ELOVL5: variants seen among roughly 807,000 people sequenced by gnomAD.
The protein encoded by ELOVL5 is ELOVL fatty acid elongase 5.
ELOVL5 carries 8 observed loss-of-function variants against 38.6 expected under a neutral mutation model. That is an observed-to-expected ratio of 0.21 (90% CI 0.12 to 0.37). The LOEUF is 0.37. Among genes scored for constraint, ELOVL5 ranks in the 10% least tolerant of loss-of-function variants. The pLI, the probability that ELOVL5 is intolerant of heterozygous loss-of-function variation, is 1.00. For synonymous variants in ELOVL5, 127 were observed against 133.7 expected (o/e 0.95, Z 0.34); for missense variants, 280 against 367.8 (o/e 0.76, Z 1.95).
chr6:53,308,674 C>CTA (rs1459925907), intron 1 of ELOVL5, among the ~76,000 whole-genome samples: 3 of 152,020 alleles, frequency 2.0e-5, no homozygotes, highest in African/African-American at 7.3e-5. Context: ...GGAACCACTG[C>CTA]TATATATATC....
At chr6:53,310,172 A>G (rs1191816429) in intron 1 of ELOVL5, among the ~76,000 whole-genome samples, 1 of 152,182 alleles carries the variant, frequency 6.6e-6, no homozygotes, top group East Asian at 1.9e-4. Context: ...CCCTCGATTT[A>G]ACTGGAACTG....
At chr6:53,343,431 G>C (rs565431958) in intron 1 of ELOVL5, among the ~76,000 whole-genome samples, 17 of 152,128 alleles carry the variant, frequency 1.1e-4, no homozygotes, top group African/African-American at 3.9e-4. Flanking sequence ...CAGGCTGGTT[G>C]CAAACTCCTG....
intron 1 of ELOVL5, among the ~76,000 whole-genome samples, chr6:53,326,141 T>C (rs909820455): frequency 7.2e-5 from 11 of 152,130 alleles, no homozygotes; most frequent in African/African-American, 2.7e-4. Context: ...AATAACTCAG[T>C]CATCTCTTAG....
intron 3 of ELOVL5, among the ~76,000 whole-genome samples, chr6:53,291,112 G>T (rs915812924): frequency 6.6e-6 from 1 of 152,120 alleles, no homozygotes; most frequent in Non-Finnish European, 1.5e-5. Flanking sequence ...CTTCAAAATA[G>T]GGAGAAGAGA....
At chr6:53,289,562 T>G (rs1000520921) in intron 3 of ELOVL5, among the ~76,000 whole-genome samples, 4 of 152,034 alleles carry the variant, frequency 2.6e-5, no homozygotes, top group Admixed American at 2.6e-4. Context: ...CTACTAAAAA[T>G]ACAAAAAATT....
intron 2 of ELOVL5, chr6:53,294,245 T>C (rs1235732963): frequency 6.5e-7 from 1 of 1,528,116 alleles, no homozygotes; most frequent in East Asian, 2.5e-5. Context: ...TAGGATCTAG[T>C]CAATCTGTGG....
rs543670370 is a variant in ELOVL5 at position 53,281,234 on chromosome 6, A to G, written c.247-4978T>C. On this transcript the variant is annotated intron_variant, in intron 3 of 7. Transcript: ENST00000304434. ...AGAAATGGGGTAAAAAGTAATGAAA[A>G]ATAGACTATCCATACTCAAGTTCAA... 7.2e-5 allele frequency among the ~76,000 whole-genome samples: 11 copies of G among 152,324 alleles called. No individual in the cohort carries two copies. The East Asian group carries it at 2.1e-3, about 29-fold the overall frequency.
rs1767428809 is a variant in ELOVL5 at position 53,305,018 on chromosome 6, C to T, written c.-8-9311G>A. ...TAGGGGCGGCCAGGCAGAGGCGCCC[C>T]TCACCTCCCGGACGGGGCGGCTGGC... On this transcript the variant is annotated intron_variant, in intron 1 of 7. Transcript: ENST00000304434. Among the ~76,000 whole-genome samples the T allele has an allele frequency of 2.0e-5, 3 of 151,486 alleles. No individual in the cohort carries two copies. In the South Asian group the frequency reaches 6.2e-4, roughly 31 times the overall value.
intron 1 of ELOVL5, among the ~76,000 whole-genome samples, chr6:53,347,439 C>T (rs1769599543): frequency 6.6e-6 from 1 of 152,186 alleles, no homozygotes; most frequent in Non-Finnish European, 1.5e-5. Flanking sequence ...TGCAAAACCG[C>T]CTGTTTCTAT....
chr6:53,274,463 G>T (rs1313088257), intron 5 of ELOVL5, among the ~76,000 whole-genome samples: 1 of 152,152 alleles, frequency 6.6e-6, no homozygotes, highest in African/African-American at 2.4e-5. Context: ...TTCAGTGTTT[G>T]GATGACGGGA....
intron 1 of ELOVL5, among the ~76,000 whole-genome samples, chr6:53,334,241 G>A (rs1768943205): frequency 6.6e-6 from 1 of 152,072 alleles, no homozygotes; most frequent in African/African-American, 2.4e-5. Context: ...TCTGTTTGGG[G>A]CTTCAGCCTC....
chr6:53,308,351 G>C (rs1373962904), intron 1 of ELOVL5, among the ~76,000 whole-genome samples: 1 of 152,118 alleles, frequency 6.6e-6, no homozygotes, highest in Non-Finnish European at 1.5e-5. Context: ...ATCCTATTAG[G>C]CTCTAAGCTC....
Position 53,291,834 on chromosome 6 carries a change from C to A in ELOVL5, c.188G>T (p.Gly63Val). ...MRNKQPFSCR[G>V]ILVVYNLGLT... ...TCCAAGGTTATACACCACTAAAATC[C>A]CCCGGCAAGAGAATGGCTGTTTATT... The change falls in exon 3 of 8, where the codon GGG (glycine) becomes GTG (valine). Residue 63 changes from glycine to valine, a missense_variant. By Grantham distance (109) the Gly-to-Val change is moderately radical. This residue lies in a region of ELOVL5 where 150 missense variants were observed against 178.0 expected (regional missense o/e 0.84). Transcript: ENST00000304434. 1.9e-6 allele frequency: 3 copies of A among 1,613,938 alleles called. No homozygotes were observed. Among genetic ancestry groups the A allele is most frequent in the Middle Eastern group, 1.7e-4 (1 of 6,060 alleles).
rs1457039126 is a variant in ELOVL5, at chr6:53,276,274, G to A, written c.247-18C>T. ...GTTACTAACTAAAAAAGAAGAAAGA[G>A]CCAGTCACCAACAGCATCTGAGCCA... On this transcript the variant is annotated intron_variant, in intron 3 of 7. Coordinates refer to ENST00000304434, the MANE Select transcript of ELOVL5 (RefSeq NM_021814.5). The A allele has an allele frequency of 3.2e-6, 5 of 1,540,204 alleles. No individual in the cohort carries two copies. The highest frequency in any genetic ancestry group is 4.5e-6 in the Non-Finnish European group (5 of 1,113,256).
intron 1 of ELOVL5, among the ~76,000 whole-genome samples, chr6:53,305,400 C>G (rs1215258463): frequency 5.1e-4 from 76 of 149,100 alleles, no homozygotes; most frequent in Non-Finnish European, 9.9e-4. Flanking sequence ...ACCTCCCTCC[C>G]GGGCGGGGTG....
rs1561878375 is a variant in ELOVL5, at chr6:53,306,223, AGGGG to A, written c.-8-10520_-8-10517del. On this transcript the variant is annotated intron_variant, in intron 1 of 7. Transcript: ENST00000304434. ...GGGGAGGAGAAAGGGGAGAGGGGAG[AGGGG>A]AGAGGGGAGAGGGAGAGGGGAGAGG... is the stretch of plus-strand genomic sequence containing the variant. Among the ~76,000 whole-genome samples, 112 of 21,648 alleles carry A rather than the reference AGGGG, an allele frequency of 5.2e-3. 4 individuals are homozygous for A. The highest frequency in any genetic ancestry group is 0.021 in the African/African-American group (43 of 2,002). 14.2% of individuals were successfully genotyped at this position (21,648 alleles called of 152,430 possible).
rs545993552 is a variant in ELOVL5 at position 53,276,262 on chromosome 6, A to G, written c.247-6T>C. 4 of 1,596,552 alleles carry G rather than the reference A, an allele frequency of 2.5e-6. No individual in the cohort carries two copies. The highest frequency in any genetic ancestry group is 3.4e-6 in the Non-Finnish European group (4 of 1,164,096). On this transcript the variant is annotated splice_region_variant and splice_polypyrimidine_tract_variant and intron_variant, in intron 3 of 7. Transcript: ENST00000304434. ...TCCCATACTCCTGTTACTAACTAAA[A>G]AAGAAGAAAGAGCCAGTCACCAACA...
intron 6 of ELOVL5, 123 bp from the exon 7 acceptor site, chr6:53,270,850 G>A (rs1401847129): frequency 9.3e-6 from 10 of 1,072,184 alleles, no homozygotes; most frequent in Non-Finnish European, 1.2e-5. Flanking sequence ...CTTGCTGCAG[G>A]TACAGCAGTC....
chr6:53,311,540 T>C (rs1303277172), intron 1 of ELOVL5, among the ~76,000 whole-genome samples: 4 of 152,182 alleles, frequency 2.6e-5, no homozygotes, highest in African/African-American at 9.7e-5. Flanking sequence ...CAAATATTCA[T>C]AGTAACATTA....
Sources: allele counts gnomAD v4.1 joint callset (sites outside exome capture counted in the v4.1 genomes callset), GRCh38; gene constraint gnomAD v4.1.1; regional missense constraint gnomAD v4.1.1; transcripts MANE v1.5; gene names NCBI Gene and HGNC (gene_info 2026-07-23, HGNC 2026-07-21).